Variants in WIPI2 observed in about 807,000 individuals in gnomAD.
WIPI2 encodes WD repeat domain, phosphoinositide interacting 2.
A neutral mutation model predicts 52.3 loss-of-function variants in WIPI2; 28 were observed. The ratio of observed to expected loss-of-function variants is 0.54; its 90% CI spans 0.40 to 0.73. The LOEUF is 0.73. Ranked by LOEUF, WIPI2 falls within the 30% of genes least tolerant of loss-of-function variation. The pLI, the probability that WIPI2 is intolerant of heterozygous loss-of-function variation, is 0.00. For missense variants in WIPI2, 506 were observed against 602.9 expected (o/e 0.84, Z 1.68); for synonymous variants, 268 against 245.0 (o/e 1.09, Z -0.88).
At chr7:5,219,667 C>T (rs187212741) in intron 7 of WIPI2, among the ~76,000 whole-genome samples, 6 of 152,226 alleles carry the variant, frequency 3.9e-5, no homozygotes, top group East Asian at 1.9e-4. Context: ...GGTAGACGTG[C>T]GCCACAAAAT....
Position 5,217,818 on chromosome 7 carries a change from G to A in WIPI2, c.577-104G>A, listed in dbSNP as rs1023253453. ...GTTTGGCATTTGTTTGGACCGTAATGGTGTTTTAGGAACAGCTAATTGGCA... is the reference window on the plus strand; with the variant it reads ...GTTTGGCATTTGTTTGGACCGTAATAGTGTTTTAGGAACAGCTAATTGGCA... On this transcript the variant is annotated intron_variant, in intron 6 of 12. Coordinates refer to ENST00000288828, the MANE Select transcript of WIPI2 (RefSeq NM_015610.4). The A allele has an allele frequency of 8.4e-6, 9 of 1,068,702 alleles. No individual in the cohort carries two copies. The African/African-American group carries it at 1.4e-4, about 17-fold the overall frequency. The allele number at this position is 1,068,702 out of a possible 1,614,324, so 66.2% of individuals were successfully genotyped here. A position where few individuals can be genotyped will look rare whatever the true frequency, so the allele number is the denominator to read the frequency against.
rs766364604 is a variant in WIPI2 at position 5,222,691 on chromosome 7, C to G, written c.740+19C>G. The stretch of plus-strand genomic sequence containing the variant: ...TAAAGAGGTAAAGTACGTGAATGTC[C>G]AGAATGGATTCTGGAGGTTGTATTT... On this transcript the variant is annotated intron_variant, in intron 8 of 12. Transcript: ENST00000288828. The G allele has an allele frequency of 8.7e-6, 14 of 1,607,390 alleles. No homozygotes were observed. Among genetic ancestry groups the G allele is most frequent in the Non-Finnish European group, 1.1e-5 (13 of 1,174,516 alleles).
intron 7 of WIPI2, among the ~76,000 whole-genome samples, chr7:5,220,787 T>G (rs1032015768): frequency 3.3e-5 from 5 of 151,582 alleles, no homozygotes; most frequent in Non-Finnish European, 4.4e-5. Context: ...AGATAGTCTT[T>G]TCTTTCTTTC....
chr7:5,222,582 T>C lies in WIPI2; in HGVS notation c.670-20T>C. Reference sequence around the variant, plus strand: ...GTTTTAACTCAGCTCAAATTCTTCTTTTCTCTTTTCCTTCCACAGGGGACC... The same window carrying C: ...GTTTTAACTCAGCTCAAATTCTTCTCTTCTCTTTTCCTTCCACAGGGGACC... On this transcript the variant is annotated intron_variant, in intron 7 of 12. Coordinates refer to ENST00000288828, the MANE Select transcript of WIPI2 (RefSeq NM_015610.4). 6.2e-7 allele frequency: 1 copy of C among 1,611,680 alleles called. No individual in the cohort carries two copies. Among genetic ancestry groups the C allele is most frequent in the Non-Finnish European group, 8.5e-7 (1 of 1,178,070 alleles).
intron 3 of WIPI2, among the ~76,000 whole-genome samples, chr7:5,203,914 C>T (rs1269862360): frequency 6.6e-6 from 1 of 152,194 alleles, no homozygotes; most frequent in African/African-American, 2.4e-5. Flanking sequence ...TGAGCCACCA[C>T]ACCCTGCCAC....
chr7:5,203,380 T>C (rs1198764783), intron 3 of WIPI2, among the ~76,000 whole-genome samples: 5 of 152,212 alleles, frequency 3.3e-5, no homozygotes, highest in Non-Finnish European at 5.9e-5. Context: ...TTCAAGCAGT[T>C]ATTTCATGGC....
In WIPI2 at chr7:5,233,732, G is replaced by A. The variant is rs1227954147; in HGVS notation, c.*2785G>A. ...GGACTCATCCCTACCTCACAGGGCT[G>A]TTGTGAGGTGTTGTGTGACTGCGTG... is the stretch of plus-strand genomic sequence containing the variant. On this transcript the variant is annotated 3_prime_UTR_variant, in exon 13 of 13. Coordinates refer to ENST00000288828, the MANE Select transcript of WIPI2 (RefSeq NM_015610.4). 6.6e-6 allele frequency: 1 copy of A among 152,252 alleles called. No homozygotes were observed. 9.4% of individuals were successfully genotyped at this position (152,252 alleles called of 1,614,324 possible). A position where few individuals can be genotyped will look rare whatever the true frequency, so the allele number is the denominator to read the frequency against.
At chr7:5,218,272 G>A (rs1182610909) in intron 7 of WIPI2, 17 of 408,580 alleles carry the variant, frequency 4.2e-5, no homozygotes, top group African/African-American at 1.2e-4. Flanking sequence ...CAGAAGTGCC[G>A]TGTGTAACCA....
At chr7:5,210,097 T>C (rs1207084497) in intron 3 of WIPI2, among the ~76,000 whole-genome samples, 1 of 151,878 alleles carries the variant, frequency 6.6e-6, no homozygotes, top group Non-Finnish European at 1.5e-5. Flanking sequence ...TTAGTAGAGA[T>C]GGGGTTTCAT....
At position 5,231,054 on chromosome 7, in the gene WIPI2, G is replaced by T; in HGVS notation, c.*107G>T. ...ACCTGAGTCGGGGGAGAGGATGGCA[G>T]AGACTTTATTAAAAAAAAAAAAAGA... On this transcript the variant is annotated 3_prime_UTR_variant, in exon 13 of 13. Transcript: ENST00000288828. 1 of 793,512 alleles carries T rather than the reference G, an allele frequency of 1.3e-6. No individual in the cohort carries two copies. The highest frequency in any genetic ancestry group is 1.8e-6 in the Non-Finnish European group (1 of 540,690). The allele number at this position is 793,512 out of a possible 1,614,324, so 49.2% of individuals were successfully genotyped here.
intron 7 of WIPI2, among the ~76,000 whole-genome samples, chr7:5,221,629 A>G (rs938343150): frequency 6.6e-6 from 1 of 152,150 alleles, no homozygotes; most frequent in Non-Finnish European, 1.5e-5. Flanking sequence ...TTATTCCCCC[A>G]GATGTTCATG....
At chr7:5,219,400 C>G (rs1248511916) in intron 7 of WIPI2, among the ~76,000 whole-genome samples, 1 of 152,150 alleles carries the variant, frequency 6.6e-6, no homozygotes, top group African/African-American at 2.4e-5. Flanking sequence ...TCTTTAGTAG[C>G]TCTTATAAAG....
intron 3 of WIPI2, among the ~76,000 whole-genome samples, chr7:5,205,035 G>A (rs1782225328): frequency 6.6e-6 from 1 of 152,106 alleles, no homozygotes; most frequent in Non-Finnish European, 1.5e-5. Flanking sequence ...GAGTGCAGTG[G>A]TGAGATCTCG....
chr7:5,200,217 C>T (rs1438823639), intron 3 of WIPI2, among the ~76,000 whole-genome samples: 1 of 152,132 alleles, frequency 6.6e-6, no homozygotes, highest in African/African-American at 2.4e-5. Flanking sequence ...TAATGCAGGT[C>T]TGTAAGATTA....
intron 3 of WIPI2, among the ~76,000 whole-genome samples, chr7:5,210,529 CTT>C (rs1373299170): frequency 2.0e-5 from 3 of 152,242 alleles, no homozygotes; most frequent in Admixed American, 6.5e-5. Flanking sequence ...GCCCACATCT[CTT>C]TGGCCTCCTC....
intron 3 of WIPI2, among the ~76,000 whole-genome samples, chr7:5,209,627 G>C (rs571313184): frequency 2.6e-5 from 4 of 152,148 alleles, no homozygotes; most frequent in East Asian, 1.9e-4. Context: ...GTCTCATACT[G>C]TTCTCACTTT....
intron 11 of WIPI2, among the ~76,000 whole-genome samples, chr7:5,228,551 GA>G (rs1421263818): frequency 6.6e-6 from 1 of 152,224 alleles, no homozygotes; most frequent in East Asian, 1.9e-4. Context: ...TTCGCATTTG[GA>G]AAGGAAGGGC....
intron 8 of WIPI2, among the ~76,000 whole-genome samples, chr7:5,225,048 G>A (rs760421831): frequency 6.6e-6 from 1 of 151,998 alleles, no homozygotes; most frequent in Non-Finnish European, 1.5e-5. Context: ...GGGTTATGAA[G>A]AAATTCACAT....
Position 5,232,165 on chromosome 7 carries a change from CTA to C in WIPI2, c.*1220_*1221del, listed in dbSNP as rs1452398282. ...ATGGCAGGAGAGATGGTTTTAGAAT[CTA>C]TGGAGTGGTGGAAGTTACGGATAGA... On this transcript the variant is annotated 3_prime_UTR_variant, in exon 13 of 13. Coordinates refer to ENST00000288828, the MANE Select transcript of WIPI2 (RefSeq NM_015610.4). The C allele has an allele frequency of 1.0e-5, 4 of 398,744 alleles. No homozygotes were observed. The highest frequency in any genetic ancestry group is 8.2e-5 in the African/African-American group (4 of 48,644). The allele number at this position is 398,744 out of a possible 1,614,324, so 24.7% of individuals were successfully genotyped here. A position where few individuals can be genotyped will look rare whatever the true frequency, so the allele number is the denominator to read the frequency against.
Sources: gnomAD v4.1 joint callset for allele counts (sites outside exome capture counted in the v4.1 genomes callset) on GRCh38, gnomAD v4.1.1 for gene constraint, MANE v1.5 for transcripts, NCBI Gene and HGNC (gene_info 2026-07-23, HGNC 2026-07-21) for gene names.